CACNG2: variants seen among roughly 807,000 people sequenced by gnomAD.
CACNG2 encodes the protein voltage-dependent calcium channel gamma-2 subunit.
CACNG2 carries 3 observed loss-of-function variants against 25.9 expected under a neutral mutation model. That is an observed-to-expected ratio of 0.12 (90% CI 0.05 to 0.30). CACNG2 has a LOEUF of 0.30. Ranked by LOEUF, CACNG2 falls within the 10% of genes least tolerant of loss-of-function variation. The pLI is 1.00. For missense variants in CACNG2, 341 were observed against 432.5 expected, an observed-to-expected ratio of 0.79 and a Z score of 1.88; for synonymous variants, 167 against 173.3, an observed-to-expected ratio of 0.96 and a Z score of 0.29.
At chr22:36,608,078 G>C (rs114072460) in intron 1 of CACNG2, among the ~76,000 whole-genome samples, 3,477 of 152,068 alleles carry the variant, frequency 0.023, 143 homozygotes, top group African/African-American at 0.079. Flanking sequence ...GTTGATATCC[G>C]GGTAAGTGTT....
At chr22:36,639,039 G>A (rs1936402423) in intron 1 of CACNG2, among the ~76,000 whole-genome samples, 1 of 152,166 alleles carries the variant, frequency 6.6e-6, no homozygotes, top group Non-Finnish European at 1.5e-5. Context: ...AACTCAGCCG[G>A]CGGAGGGGTA....
chr22:36,688,959 T>C (rs1937236523), intron 1 of CACNG2, among the ~76,000 whole-genome samples: 1 of 152,196 alleles, frequency 6.6e-6, no homozygotes, highest in African/African-American at 2.4e-5. Flanking sequence ...CCTCATCCTT[T>C]TGGGGACAGT....
At chr22:36,638,631 T>C (rs1246957777) in intron 1 of CACNG2, among the ~76,000 whole-genome samples, 1 of 152,204 alleles carries the variant, frequency 6.6e-6, no homozygotes, top group Non-Finnish European at 1.5e-5. Context: ...CTCCTCTCTT[T>C]AGTACCCTGC....
intron 1 of CACNG2, among the ~76,000 whole-genome samples, chr22:36,670,324 G>A (rs1336323465): frequency 6.6e-6 from 1 of 152,146 alleles, no homozygotes; most frequent in African/African-American, 2.4e-5. Flanking sequence ...GACCTAACAA[G>A]TTATGCTGTT....
Position 36,633,295 on chromosome 22 carries a change from C to G in CACNG2, c.212-45747G>C, listed in dbSNP as rs892751575. Among the ~76,000 whole-genome samples the G allele has an allele frequency of 3.3e-5, 5 of 152,326 alleles. No individual in the cohort carries two copies. In the South Asian group the frequency reaches 8.3e-4, roughly 25 times the overall value. On this transcript the variant is annotated intron_variant, in intron 1 of 3. Transcript: ENST00000300105. ...CAGTGTTTGGCACTAAGGGGGTTCC[C>G]AATAACTATGTGTTGAATGAATGCA...
chr22:36,597,275 C>A (rs1039859789), intron 1 of CACNG2, among the ~76,000 whole-genome samples: 3 of 152,162 alleles, frequency 2.0e-5, no homozygotes, highest in Non-Finnish European at 4.4e-5. Context: ...CCACCCACCT[C>A]GGCCTCCCAA....
chr22:36,668,952 A>G (rs1368642263), intron 1 of CACNG2, among the ~76,000 whole-genome samples: 1 of 152,146 alleles, frequency 6.6e-6, no homozygotes, highest in Non-Finnish European at 1.5e-5. Flanking sequence ...AGTGGATTGG[A>G]TGAAGCCTGC....
intron 1 of CACNG2, among the ~76,000 whole-genome samples, chr22:36,643,255 TTCTC>T (rs1227670624): frequency 4.0e-5 from 6 of 150,590 alleles, no homozygotes; most frequent in South Asian, 2.1e-4. Flanking sequence ...TCTTCTTTCT[TTCTC>T]TCTCTTTCCT....
rs1898960633 is a variant in CACNG2 at position 36,564,702 on chromosome 22, C to T, written c.621G>A (p.Gln207=). ...AVHMFIDRHK[Q]LRATARATDY... is the part of the protein sequence containing the mutation. ...CCGTGGCGCGGGCCGTGGCCCGCAG[C>T]TGTTTGTGCCGGTCGATAAACATGT... Residue 207 remains glutamine (Q), a synonymous_variant, in exon 4 of 4, where the codon CAG becomes CAA. Transcript: ENST00000300105. The surrounding 1 kb of genome is among the most constrained non-coding windows in gnomAD (Gnocchi z 6.7). 6.2e-7 allele frequency: 1 copy of T among 1,614,010 alleles called. No homozygotes were observed. The highest frequency in any genetic ancestry group is 2.2e-5 in the East Asian group (1 of 44,890).
intron 2 of CACNG2, chr22:36,585,484 A>G (rs1258232188): frequency 6.6e-6 from 1 of 152,222 alleles, no homozygotes; most frequent in East Asian, 1.9e-4. Flanking sequence ...CTAGCATTTT[A>G]TAGACCAGGG....
chr22:36,681,235 G>A (rs1937118762), intron 1 of CACNG2, among the ~76,000 whole-genome samples: 1 of 152,034 alleles, frequency 6.6e-6, no homozygotes, highest in Admixed American at 6.5e-5. Context: ...AGTGCTTAGG[G>A]CCTAAAAGTA....
intron 1 of CACNG2, among the ~76,000 whole-genome samples, chr22:36,612,670 A>G (rs1040052434): frequency 6.6e-6 from 1 of 152,180 alleles, no homozygotes; most frequent in South Asian, 2.1e-4. Flanking sequence ...CTCCACCACG[A>G]GCACACAACA....
Position 36,564,649 on chromosome 22 carries a change from C to A in CACNG2, c.674G>T (p.Arg225Leu). 1 of 1,613,716 alleles carries A rather than the reference C, an allele frequency of 6.2e-7. No homozygotes were observed. Among genetic ancestry groups the A allele is most frequent in the South Asian group, 1.1e-5 (1 of 91,072 alleles). ...TDYLQASAIT[R>L]IPSYRYRYQR... is the part of the protein sequence containing the mutation. The stretch of plus-strand genomic sequence containing the variant: ...GTAGCGGTAGCGGTAGCTGGGGATG[C>A]GGGTGATGGCAGAGGCCTGGAGGTA... The change falls in exon 4 of 4, where the codon CGC becomes CTC. Residue 225 changes from arginine to leucine, a missense_variant. By Grantham distance (102) the Arg-to-Leu change is moderately radical. Coordinates refer to ENST00000300105, the MANE Select transcript of CACNG2 (RefSeq NM_006078.5). The surrounding 1 kb of genome is among the most constrained non-coding windows in gnomAD (Gnocchi z 6.7).
intron 2 of CACNG2, among the ~76,000 whole-genome samples, chr22:36,569,958 G>A (rs896518996): frequency 4.6e-5 from 7 of 152,322 alleles, no homozygotes; most frequent in Non-Finnish European, 1.0e-4. Context: ...CTTCCGAGGC[G>A]CAGCAGCAGC....
chr22:36,678,619 G>A (rs184245789), intron 1 of CACNG2, among the ~76,000 whole-genome samples: 4 of 142,840 alleles, frequency 2.8e-5, no homozygotes, highest in East Asian at 2.1e-4. Context: ...CAGCACATGC[G>A]ATAACATTCC....
intron 1 of CACNG2, among the ~76,000 whole-genome samples, chr22:36,639,521 C>A (rs747027311): frequency 5.4e-4 from 82 of 152,200 alleles, no homozygotes; most frequent in Non-Finnish European, 2.8e-4. Flanking sequence ...GGGCACACAG[C>A]ACCCTCTCTT....
At chr22:36,566,640 G>C (rs1332342618) in intron 2 of CACNG2, 147 bp from the exon 3 acceptor site, 6 of 869,058 alleles carry the variant, frequency 6.9e-6, no homozygotes, top group Non-Finnish European at 9.3e-6. Flanking sequence ...CCTAGGGAGG[G>C]AGAGACAGCG....
chr22:36,593,451 G>A (rs1935627683), intron 1 of CACNG2, among the ~76,000 whole-genome samples: 1 of 152,150 alleles, frequency 6.6e-6, no homozygotes, highest in African/African-American at 2.4e-5. Flanking sequence ...GCAGGGAAAT[G>A]GACCGGAAAT....
chr22:36,672,061 C>T (rs118014571), intron 1 of CACNG2, among the ~76,000 whole-genome samples: 6 of 152,116 alleles, frequency 3.9e-5, no homozygotes, highest in Admixed American at 1.3e-4. Context: ...CTCAGACCCA[C>T]GGCAAGAGGT....
Sources: allele counts gnomAD v4.1 joint callset (sites outside exome capture counted in the v4.1 genomes callset), GRCh38; gene constraint gnomAD v4.1.1; non-coding constraint Gnocchi (gnomAD v3.1); transcripts MANE v1.5; gene names NCBI Gene and HGNC (gene_info 2026-07-23, HGNC 2026-07-21).